UQCC1: variants seen among roughly 807,000 people sequenced by gnomAD.
UQCC1 encodes bFGF-repressed Zic-binding protein.
A neutral mutation model predicts 48.0 loss-of-function variants in UQCC1; 38 were observed. The observed-to-expected ratio is 0.79, with a 90% CI of 0.61 to 1.04. UQCC1 has a LOEUF of 1.04. Among genes scored for constraint, UQCC1 ranks in the 50% least tolerant of loss-of-function variants. The pLI, the probability that UQCC1 is intolerant of heterozygous loss-of-function variation, is 0.00. For synonymous variants in UQCC1, 111 were observed against 129.2 expected, an observed-to-expected ratio of 0.86 and a Z score of 0.95; for missense variants, 368 against 381.8, an observed-to-expected ratio of 0.96 and a Z score of 0.30.
chr20:35,368,510 C>T (rs956322251), intron 5 of UQCC1, among the ~76,000 whole-genome samples: 2 of 152,178 alleles, frequency 1.3e-5, no homozygotes, highest in African/African-American at 4.8e-5. Context: ...TAATCCTGCT[C>T]TAACAGCCTC....
rs527346157 is a variant in UQCC1 at position 35,321,441 on chromosome 20, C to T, written c.574-6676G>A. Among the ~76,000 whole-genome samples the T allele has an allele frequency of 1.8e-4, 28 of 152,210 alleles. 1 individual carries two copies. The highest frequency in any genetic ancestry group is 6.5e-4 in the African/African-American group (27 of 41,530). On this transcript the variant is annotated intron_variant, in intron 7 of 9. Coordinates refer to ENST00000374385, the MANE Select transcript of UQCC1 (RefSeq NM_018244.5). ...TGAACATTTAAATAGAGTATGTTCC[C>T]GTTGCGATGAAAGGCCAACCTAAAC...
In UQCC1 at chr20:35,390,838, G is replaced by A. The variant is rs142334387; in HGVS notation, c.129+3254C>T. The stretch of plus-strand genomic sequence containing the variant: ...CCCCTGATATGATGCACTGAGAAGG[G>A]AATAACATCATTTTTGCCAAAAATG... On this transcript the variant is annotated intron_variant, in intron 2 of 9. Transcript: ENST00000374385. 5.8e-4 allele frequency among the ~76,000 whole-genome samples: 88 copies of A among 152,184 alleles called. 1 individual carries two copies. The highest frequency in any genetic ancestry group is 2.3e-3 in the Admixed American group (35 of 15,270).
intron 4 of UQCC1, 38 bp downstream of exon 4, chr20:35,381,880 C>A: frequency 8.0e-7 from 1 of 1,253,062 alleles, no homozygotes; most frequent in Non-Finnish European, 1.1e-6. Flanking sequence ...AAGCACAATG[C>A]CCAAAAGGAA....
chr20:35,313,124 C>T (rs554706851), intron 8 of UQCC1, among the ~76,000 whole-genome samples: 37 of 152,108 alleles, frequency 2.4e-4, no homozygotes, highest in Non-Finnish European at 4.6e-4. Flanking sequence ...CGCCTGTAAT[C>T]CCAGCACTTT....
intron 7 of UQCC1, among the ~76,000 whole-genome samples, chr20:35,337,517 G>A (rs78735533): frequency 2.3e-3 from 351 of 152,236 alleles, no homozygotes; most frequent in African/African-American, 7.8e-3. Flanking sequence ...GTTCCCAAGC[G>A]ATGCTGAGGC....
At chr20:35,365,656 A>T (rs754130984) in intron 6 of UQCC1, among the ~76,000 whole-genome samples, 5 of 27,842 alleles carry the variant, frequency 1.8e-4, no homozygotes, top group African/African-American at 1.7e-4. Flanking sequence ...GACTATGTCT[A>T]AAAAAAAAAA....
chr20:35,374,142 T>C (rs1244220530), intron 5 of UQCC1, 42 bp downstream of exon 5: 2 of 1,473,440 alleles, frequency 1.4e-6, no homozygotes, highest in African/African-American at 1.4e-5. Flanking sequence ...AAATGAAATG[T>C]AGATTTGTTC....
intron 7 of UQCC1, among the ~76,000 whole-genome samples, chr20:35,333,607 C>T (rs1298397990): frequency 2.6e-5 from 4 of 152,188 alleles, no homozygotes; most frequent in Admixed American, 6.5e-5. Flanking sequence ...CACACATACA[C>T]ATGCTTATAC....
intron 6 of UQCC1, among the ~76,000 whole-genome samples, chr20:35,351,481 C>T (rs2061490146): frequency 6.6e-6 from 1 of 151,898 alleles, no homozygotes; most frequent in Non-Finnish European, 1.5e-5. Context: ...GAGCCTATTC[C>T]ACAGCAGAAA....
rs1169259078 is a variant in UQCC1 at position 35,372,813 on chromosome 20, G to A, written c.406+1371C>T. On this transcript the variant is annotated intron_variant, in intron 5 of 9. Coordinates refer to ENST00000374385, the MANE Select transcript of UQCC1 (RefSeq NM_018244.5). The stretch of plus-strand genomic sequence containing the variant: ...GAAACTGGGAGGTGGAGGTAGCAGT[G>A]AGCCAAGATGGCACCACTCCACTCC... Among the ~76,000 whole-genome samples, 5 of 152,176 alleles carry A rather than the reference G, an allele frequency of 3.3e-5. No homozygotes were observed. The East Asian group carries it at 9.6e-4, about 29-fold the overall frequency.
intron 7 of UQCC1, chr20:35,346,237 C>G (rs1568671178): frequency 6.6e-6 from 1 of 152,200 alleles, no homozygotes; most frequent in African/African-American, 2.4e-5. Context: ...TAAAAGCTGG[C>G]CACCCTAGCC....
At chr20:35,338,856 G>GAA (rs1172467457) in intron 7 of UQCC1, among the ~76,000 whole-genome samples, 8 of 26,842 alleles carry the variant, frequency 3.0e-4, no homozygotes, top group South Asian at 1.9e-3. Context: ...CGTCTCAAAA[G>GAA]AAAAAAAAAA....
At chr20:35,345,045 G>C (rs1355338744) in intron 7 of UQCC1, 5 of 152,254 alleles carry the variant, frequency 3.3e-5, no homozygotes, top group Admixed American at 2.6e-4. Flanking sequence ...CTGGACAGCT[G>C]CACACCAGGA....
At chr20:35,338,264 A>T (rs1009816946) in intron 7 of UQCC1, among the ~76,000 whole-genome samples, 2 of 152,124 alleles carry the variant, frequency 1.3e-5, no homozygotes, top group Admixed American at 1.3e-4. Flanking sequence ...CAGGCTTGGG[A>T]GTGCACTGAA....
rs373723282 is a variant in UQCC1, at chr20:35,303,915, C to T, written c.*20G>A. On this transcript the variant is annotated 3_prime_UTR_variant, in exon 10 of 10. Coordinates refer to ENST00000374385, the MANE Select transcript of UQCC1 (RefSeq NM_018244.5). Reference sequence around the variant, plus strand: ...GGTTCCTCGAAGCCAGCTGGCGGGCCGTGCGGAGGGCCCAGCCCATCAAAG... The same window carrying T: ...GGTTCCTCGAAGCCAGCTGGCGGGCTGTGCGGAGGGCCCAGCCCATCAAAG... The T allele has an allele frequency of 7.7e-5, 125 of 1,614,140 alleles. No individual in the cohort carries two copies. The African/African-American group carries it at 1.2e-3, about 16-fold the overall frequency.
chr20:35,366,539 T>A lies in UQCC1; in HGVS notation c.464+18A>T, dbSNP rs1337468672. On this transcript the variant is annotated intron_variant, in intron 6 of 9. Transcript: ENST00000374385. Reference sequence around the variant, plus strand: ...TAAAAAAATACATTTGGTGACTTCATTTAAATTGCTCACTTACCAGACGTG... The same window carrying A: ...TAAAAAAATACATTTGGTGACTTCAATTAAATTGCTCACTTACCAGACGTG... The A allele has an allele frequency of 6.2e-7, 1 of 1,612,598 alleles. No homozygotes were observed. Among genetic ancestry groups the A allele is most frequent in the South Asian group, 1.1e-5 (1 of 90,988 alleles).
chr20:35,317,482 G>A (rs1377581275), intron 7 of UQCC1, among the ~76,000 whole-genome samples: 3 of 152,212 alleles, frequency 2.0e-5, no homozygotes, highest in African/African-American at 7.2e-5. Context: ...AATGTAGACT[G>A]GATGTAACTA....
chr20:35,383,919 C>T, intron 3 of UQCC1, 119 bp downstream of exon 3: 2 of 761,592 alleles, frequency 2.6e-6, no homozygotes, highest in Non-Finnish European at 4.2e-6. Context: ...AGTCACTTTA[C>T]CCCCTGAGCC....
At chr20:35,404,230 G>A (rs547725734) in intron 1 of UQCC1, among the ~76,000 whole-genome samples, 112 of 152,158 alleles carry the variant, frequency 7.4e-4, no homozygotes, top group Admixed American at 2.2e-3. Flanking sequence ...TTAGCCAGGC[G>A]TGGTGGCGGG....
Sources: allele counts gnomAD v4.1 joint callset (sites outside exome capture counted in the v4.1 genomes callset), GRCh38; gene constraint gnomAD v4.1.1; transcripts MANE v1.5; gene names NCBI Gene and HGNC (gene_info 2026-07-23, HGNC 2026-07-21).